KREMEN1: variants seen among roughly 807,000 people sequenced by gnomAD.
KREMEN1 encodes kremen protein 1.
A neutral mutation model predicts 46.5 loss-of-function variants in KREMEN1; 30 were observed. The ratio of observed to expected loss-of-function variants is 0.65; its 90% confidence interval spans 0.48 to 0.88. KREMEN1 has a LOEUF of 0.88. KREMEN1 is among the 40% of genes least tolerant of loss of function. KREMEN1 has a pLI of 0.00. For synonymous variants in KREMEN1, 214 were observed against 230.6 expected (o/e 0.93, Z 0.65); for missense variants, 533 against 596.9 (o/e 0.89, Z 1.11).
At chr22:29,097,902 C>T (rs1033417366) in intron 2 of KREMEN1, among the ~76,000 whole-genome samples, 3 of 152,088 alleles carry the variant, frequency 2.0e-5, no homozygotes, top group Admixed American at 6.5e-5. Flanking sequence ...TCTAATAAGG[C>T]TGGGCACGGT....
At chr22:29,082,714 A>G (rs144471610) in intron 1 of KREMEN1, among the ~76,000 whole-genome samples, 17 of 152,330 alleles carry the variant, frequency 1.1e-4, no homozygotes, top group Non-Finnish European at 2.4e-4. Flanking sequence ...GTTACACTTC[A>G]AGGTAATCAA....
At position 29,083,435 on chromosome 22, in the gene KREMEN1, T is replaced by C. The variant is rs146649277; in HGVS notation, c.97+10208T>C. On this transcript the variant is annotated intron_variant, in intron 1 of 8. Coordinates refer to ENST00000400335, the MANE Select transcript of KREMEN1 (RefSeq NM_001039570.3). ...TGAATGCTGATAGGTTAATGGACAT[T>C]TTTTTCTCAAAAAGTGTCTTTTGGA... Among the ~76,000 whole-genome samples the C allele has an allele frequency of 9.2e-5, 14 of 152,310 alleles. No individual in the cohort carries two copies. The East Asian group carries it at 2.5e-3, about 27-fold the overall frequency.
At chr22:29,111,970 A>G (rs918846139) in intron 3 of KREMEN1, among the ~76,000 whole-genome samples, 1 of 152,202 alleles carries the variant, frequency 6.6e-6, no homozygotes, top group South Asian at 2.1e-4. Context: ...AAAGAAATCA[A>G]TTTGAAGACC....
chr22:29,131,548 ATATATATATATATGTGTGTGTGTGTGTG>A, intron 5 of KREMEN1, among the ~76,000 whole-genome samples: 1 of 58,810 alleles, frequency 1.7e-5, no homozygotes, highest in African/African-American at 7.4e-5. Flanking sequence ...ATATATATAT[ATATATATATATATGTGTGTGTGTGTGTG>A]TGTGTGTGTG....
downstream of KREMEN1, among the ~76,000 whole-genome samples, chr22:29,148,938 G>A (rs561484004): frequency 5.3e-3 from 802 of 152,162 alleles, 2 homozygotes; most frequent in Non-Finnish European, 8.1e-3. Flanking sequence ...CACCGCAGAC[G>A]TGGCTCTCGG....
chr22:29,146,037 G>A lies in KREMEN1; in HGVS notation c.*3925G>A, dbSNP rs1483045159. 22 of 985,782 alleles carry A rather than the reference G, an allele frequency of 2.2e-5. No individual in the cohort carries two copies. Among genetic ancestry groups the A allele is most frequent in the Non-Finnish European group, 2.7e-5 (22 of 830,018 alleles). The allele number at this position is 985,782 out of a possible 1,614,324, so 61.1% of individuals were successfully genotyped here. On this transcript the variant is annotated 3_prime_UTR_variant, in exon 9 of 9. Transcript: ENST00000400335. ...TTACTCTTCACAAGCACTTATACGCGGATGGCCTCCGAGACCCTGCCTCCC... is the reference window on the plus strand; with the variant it reads ...TTACTCTTCACAAGCACTTATACGCAGATGGCCTCCGAGACCCTGCCTCCC...
rs1245306790 is a variant in KREMEN1, at chr22:29,073,673, G to A, written c.97+446G>A. ...TCCCAAGTCCCCAGCGACTTCCCCC[G>A]GGCCGGGACGTCCTCTGCTCCCCGG... On this transcript the variant is annotated intron_variant, in intron 1 of 8. Coordinates refer to ENST00000400335, the MANE Select transcript of KREMEN1 (RefSeq NM_001039570.3). This position sits in a 1 kb window ranked among gnomAD's most constrained non-coding sequence, Gnocchi z 4.4. 7.1e-6 allele frequency among the ~76,000 whole-genome samples: 1 copy of A among 140,978 alleles called. No individual in the cohort carries two copies. The highest frequency in any genetic ancestry group is 3.9e-3 in the Middle Eastern group (1 of 254). 92.5% of individuals were successfully genotyped at this position (140,978 alleles called of 152,430 possible).
chr22:29,148,450 G>T (rs1041902092), downstream of KREMEN1, among the ~76,000 whole-genome samples: 2 of 150,254 alleles, frequency 1.3e-5, no homozygotes, highest in African/African-American at 2.4e-5. Flanking sequence ...TGGCAAAATT[G>T]TTTTTTTTGT....
In KREMEN1 at chr22:29,146,407, A is replaced by G. The variant is rs1279633788; in HGVS notation, c.*4295A>G. ...AGGCTTCCGTCTTGCTGAGTTGGGT[A>G]CGGAGGCAGAAGTGGGGTGTGGAGG... On this transcript the variant is annotated 3_prime_UTR_variant, in exon 9 of 9. Coordinates refer to ENST00000400335, the MANE Select transcript of KREMEN1 (RefSeq NM_001039570.3). The G allele has an allele frequency of 2.0e-6, 2 of 985,658 alleles. No individual in the cohort carries two copies. The highest frequency in any genetic ancestry group is 2.4e-6 in the Non-Finnish European group (2 of 829,976). 61.1% of individuals were successfully genotyped at this position (985,658 alleles called of 1,614,324 possible).
At chr22:29,105,259 G>C (rs2038037212) in intron 3 of KREMEN1, among the ~76,000 whole-genome samples, 1 of 152,046 alleles carries the variant, frequency 6.6e-6, no homozygotes, top group Admixed American at 6.6e-5. Flanking sequence ...AGTCACCTGG[G>C]ATCTTATTAA....
chr22:29,122,940 C>CAAAA (rs140855395), intron 4 of KREMEN1, among the ~76,000 whole-genome samples: 1 of 56,404 alleles, frequency 1.8e-5, no homozygotes, highest in Non-Finnish European at 2.9e-5. Context: ...GACTCTGTCT[C>CAAAA]AAAAAAAAAA....
intron 7 of KREMEN1, among the ~76,000 whole-genome samples, chr22:29,139,386 G>A (rs2038723166): frequency 6.6e-6 from 1 of 152,236 alleles, no homozygotes; most frequent in Admixed American, 6.5e-5. Context: ...AAGATTGCTT[G>A]AGGCCAGGAG....
chr22:29,119,075 T>C (rs2038289719), intron 3 of KREMEN1, among the ~76,000 whole-genome samples: 1 of 152,150 alleles, frequency 6.6e-6, no homozygotes, highest in African/African-American at 2.4e-5. Flanking sequence ...TGGCTAAGCA[T>C]GGTGGCTCAC....
intron 9 of KREMEN1, among the ~76,000 whole-genome samples, chr22:29,163,817 A>G (rs901340305): frequency 3.2e-4 from 49 of 152,310 alleles, no homozygotes; most frequent in African/African-American, 1.2e-3. Context: ...ACTCTTGGGA[A>G]CTATGCTCAC....
chr22:29,079,672 A>G (rs963664153), intron 1 of KREMEN1, among the ~76,000 whole-genome samples: 1 of 152,270 alleles, frequency 6.6e-6, no homozygotes, highest in Admixed American at 6.5e-5. Flanking sequence ...GGAAATAGTA[A>G]AAACAGTGTA....
At chr22:29,137,197 G>C (rs763678046) in intron 5 of KREMEN1, 145 bp from the exon 6 acceptor site, 1 of 528,386 alleles carries the variant, frequency 1.9e-6, no homozygotes, top group African/African-American at 1.9e-5. Flanking sequence ...TCAGCGATTC[G>C]TTTTGTGACT....
intron 4 of KREMEN1, 25 bp from the exon 5 acceptor site, chr22:29,125,238 G>C (rs143235741): frequency 6.2e-7 from 1 of 1,612,766 alleles, no homozygotes; most frequent in South Asian, 1.1e-5. Flanking sequence ...GATGCTTACC[G>C]TGTGCTGCTT....
intron 3 of KREMEN1, among the ~76,000 whole-genome samples, chr22:29,117,350 A>G (rs1240430201): frequency 6.6e-6 from 1 of 152,136 alleles, no homozygotes; most frequent in Non-Finnish European, 1.5e-5. Flanking sequence ...GGCGGATCGC[A>G]AGGTCAGGAG....
At chr22:29,119,086 A>C (rs949956107) in intron 3 of KREMEN1, among the ~76,000 whole-genome samples, 5 of 152,154 alleles carry the variant, frequency 3.3e-5, no homozygotes, top group African/African-American at 1.2e-4. Context: ...GGTGGCTCAC[A>C]CCTGTAATCC....
Sources: allele counts gnomAD v4.1 joint callset (sites outside exome capture counted in the v4.1 genomes callset), GRCh38; gene constraint gnomAD v4.1.1; non-coding constraint Gnocchi (gnomAD v3.1); transcripts MANE v1.5; gene names NCBI Gene and HGNC (gene_info 2026-07-23, HGNC 2026-07-21).